Variants in TNRC18 observed in about 807,000 individuals in gnomAD.
TNRC18 encodes trinucleotide repeat containing 18.
Under a neutral mutation model 226.7 loss-of-function variants are expected in TNRC18, and 69 were observed. That is an observed-to-expected ratio of 0.30 (90% CI 0.25 to 0.37). The LOEUF (loss-of-function observed/expected upper bound fraction) is 0.37. TNRC18 is among the 10% of genes least tolerant of loss of function. The probability of loss-of-function intolerance (pLI) is 1.00; values close to 1 mark genes in which losing one functional copy is unlikely to be tolerated. For synonymous variants in TNRC18, 2,449 were observed against 1,927.6 expected (o/e 1.27, Z -7.09); for missense variants, 4,754 against 4,256.6 (o/e 1.12, Z -3.25).
At chr7:5,363,711 G>T (rs770042331) in intron 11 of TNRC18, among the ~76,000 whole-genome samples, 1 of 152,130 alleles carries the variant, frequency 6.6e-6, no homozygotes, top group Admixed American at 6.6e-5. Flanking sequence ...CCTCCAGAGG[G>T]AGGGCCTCCA....
chr7:5,327,386 T>C (rs868014011), intron 19 of TNRC18, among the ~76,000 whole-genome samples: 12 of 105,424 alleles, frequency 1.1e-4, no homozygotes, highest in East Asian at 3.6e-4. Context: ...TGTGTGTGTG[T>C]GTGTGTGTGT....
chr7:5,340,008 T>G (rs1034338233), intron 18 of TNRC18, among the ~76,000 whole-genome samples: 13 of 152,144 alleles, frequency 8.5e-5, no homozygotes, highest in Non-Finnish European at 1.3e-4. Context: ...TTAGGTCAAT[T>G]AATAATCCTA....
Position 5,388,270 on chromosome 7 carries a change from G to A in TNRC18, c.1554C>T (p.Phe518=), listed in dbSNP as rs767677807. ...HKWKPFELGN[F]AATQMAVLAA... is the part of the protein sequence containing the mutation. ...CCAGCACGGCCATCTGCGTGGCGGC[G>A]AAGTTGCCCAGCTCGAAGGGTTTCC... Residue 518 remains phenylalanine, a synonymous_variant, in exon 5 of 30, where the codon TTC becomes TTT. Transcript: ENST00000430969. 7.5e-6 allele frequency: 12 copies of A among 1,604,872 alleles called. No individual in the cohort carries two copies. Among genetic ancestry groups the A allele is most frequent in the East Asian group, 2.3e-5 (1 of 44,440 alleles).
At position 5,388,176 on chromosome 7, in the gene TNRC18, C is replaced by T. The variant is rs781421478; in HGVS notation, c.1648G>A (p.Ala550Thr). The T allele has an allele frequency of 1.3e-5, 20 of 1,582,050 alleles. No individual in the cohort carries two copies. The South Asian group carries it at 2.2e-4, about 17-fold the overall frequency. ...AVVAASSSKK[A>T]YLDPGAVLPR... Reference sequence around the variant, plus strand: ...AGCACAGCCCCAGGGTCCAGGTAGGCCTTCTTGGAGGAGGAGGCAGCGACC... The same window carrying T: ...AGCACAGCCCCAGGGTCCAGGTAGGTCTTCTTGGAGGAGGAGGCAGCGACC... The change falls in exon 5 of 30, where the codon GCC becomes ACC. Residue 550 changes from alanine (A) to threonine (T), a missense_variant. Coordinates refer to ENST00000430969, the MANE Select transcript of TNRC18 (RefSeq NM_001080495.3).
At chr7:5,357,932 T>A (rs1422392117) in intron 15 of TNRC18, among the ~76,000 whole-genome samples, 3 of 152,232 alleles carry the variant, frequency 2.0e-5, no homozygotes, top group Non-Finnish European at 4.4e-5. Flanking sequence ...GTGGTTACAC[T>A]GATCGCTGGC....
chr7:5,311,938 C>G (rs1562474277), intron 27 of TNRC18, among the ~76,000 whole-genome samples: 2 of 152,118 alleles, frequency 1.3e-5, no homozygotes, highest in Non-Finnish European at 2.9e-5. Flanking sequence ...AGTTTGAGAT[C>G]ATCCTGACCC....
rs1779119973 is a variant in TNRC18, at chr7:5,377,932, T to C, written c.2245A>G (p.Lys749Glu). The C allele has an allele frequency of 8.7e-6, 14 of 1,612,494 alleles. No individual in the cohort carries two copies. The highest frequency in any genetic ancestry group is 1.2e-5 in the Non-Finnish European group (14 of 1,179,426). Reference protein sequence around the residue: ...LGARLDRDQEKLLRESKELAD... With the variant: ...LGARLDRDQEELLRESKELAD... ...CCCCGACACCCTCACCTGAGCAGCT[T>C]CTCCTGATCCCGGTCCAGCCGTGCC... Residue 749 changes from lysine to glutamate, a missense_variant, in exon 6 of 30, where the codon AAG (lysine) becomes GAG (glutamate). Physicochemically the swap from Lys to Glu is moderately conservative, Grantham distance 56. Transcript: ENST00000430969. The surrounding 1 kb of genome is among the most constrained non-coding windows in gnomAD (Gnocchi z 5.8).
At chr7:5,347,495 C>CA (rs1175933758) in intron 17 of TNRC18, among the ~76,000 whole-genome samples, 4 of 151,688 alleles carry the variant, frequency 2.6e-5, no homozygotes, top group African/African-American at 9.7e-5. Context: ...CACACCCAGC[C>CA]CCCCCGCAAA....
At chr7:5,379,231 C>T (rs1779225607) in intron 5 of TNRC18, among the ~76,000 whole-genome samples, 2 of 151,118 alleles carry the variant, frequency 1.3e-5, no homozygotes, top group South Asian at 2.1e-4. Flanking sequence ...AAAACACACA[C>T]ACACAAAAAT....
intron 5 of TNRC18, among the ~76,000 whole-genome samples, chr7:5,383,982 T>TTTTTA (rs1779579690): frequency 6.8e-6 from 1 of 148,048 alleles, no homozygotes; most frequent in Non-Finnish European, 1.5e-5. Flanking sequence ...TTTTTTTTTT[T>TTTTTA]GAGATAGAGT....
At chr7:5,347,956 AAATAAT>A (rs997286605) in intron 17 of TNRC18, among the ~76,000 whole-genome samples, 1 of 152,154 alleles carries the variant, frequency 6.6e-6, no homozygotes, top group Non-Finnish European at 1.5e-5. Context: ...CCGTCTCAAA[AAATAAT>A]AATAAGTAAT....
At position 5,312,933 on chromosome 7, in the gene TNRC18, G is replaced by A. The variant is rs757833275; in HGVS notation, c.7958C>T (p.Ser2653Phe). 4.7e-4 allele frequency: 687 copies of A among 1,459,596 alleles called. No individual in the cohort carries two copies. The highest frequency in any genetic ancestry group is 5.8e-4 in the Non-Finnish European group (627 of 1,079,848). The allele number at this position is 1,459,596 out of a possible 1,614,324, so 90.4% of individuals were successfully genotyped here. A position where few individuals can be genotyped will look rare whatever the true frequency, so the allele number is the denominator to read the frequency against. Residue 2653 changes from serine to phenylalanine, a missense_variant, in exon 27 of 30, where the codon TCC (serine) becomes TTC (phenylalanine). Coordinates refer to ENST00000430969, the MANE Select transcript of TNRC18 (RefSeq NM_001080495.3). The surrounding 1 kb of genome is among the most constrained non-coding windows in gnomAD (Gnocchi z 6.3). ...GGAGGAGGATGAGGACGAGGAAGAG[G>A]AGGAGGAGGAAGAGGAGGAAGACGA... The part of the protein sequence containing the change: ...SSSSSSSSSS[S>F]SSSSSSSSSS...
At chr7:5,342,860 C>A (rs1790817604) in intron 18 of TNRC18, among the ~76,000 whole-genome samples, 3 of 152,136 alleles carry the variant, frequency 2.0e-5, no homozygotes, top group African/African-American at 7.2e-5. Context: ...ATGTGGCAAA[C>A]TTCACTGTTG....
In TNRC18 at chr7:5,357,297, A is replaced by G. The variant is rs769089655; in HGVS notation, c.4834-21T>C. ...TTTAGCTGGAGAGGGAAGGTGGGTCATGGGTTAAAAGATCTGACAAAACAG... is the reference window on the plus strand; with the variant it reads ...TTTAGCTGGAGAGGGAAGGTGGGTCGTGGGTTAAAAGATCTGACAAAACAG... On this transcript the variant is annotated intron_variant, in intron 15 of 29. Transcript: ENST00000430969. The G allele has an allele frequency of 3.9e-5, 62 of 1,596,170 alleles. No homozygotes were observed. In the South Asian group the frequency reaches 6.5e-4, roughly 17 times the overall value.
At position 5,387,867 on chromosome 7, in the gene TNRC18, G is replaced by A. The variant is rs575024819; in HGVS notation, c.1957C>T (p.Arg653Trp). Residue 653 changes from arginine to tryptophan, a missense_variant, in exon 5 of 30, where the codon CGG becomes TGG. Transcript: ENST00000430969. ...GCGCTCTCGGGCCTCTCGGGGTCCC[G>A]CTTCAGCTGCCGGCCGCCGCCCGCT... is the stretch of plus-strand genomic sequence containing the variant. ...PAAGGGRQLK[R>W]DPERPESAKA... The A allele has an allele frequency of 6.3e-6, 10 of 1,596,184 alleles. No individual in the cohort carries two copies. The South Asian group carries it at 6.7e-5, about 11-fold the overall frequency.
In TNRC18 at chr7:5,391,197, G is replaced by A. The variant is rs537312483; in HGVS notation, c.344-569C>T. Among the ~76,000 whole-genome samples, 43 of 152,022 alleles carry A rather than the reference G, an allele frequency of 2.8e-4. 1 individual carries two copies. Among genetic ancestry groups the A allele is most frequent in the Admixed American group, 9.2e-4 (14 of 15,256 alleles). On this transcript the variant is annotated intron_variant, in intron 3 of 29. Transcript: ENST00000430969. The stretch of plus-strand genomic sequence containing the variant: ...CATCTTCAGCTGCTGGGTCTCCCAG[G>A]CAGGAGCTGCCAGGAAGGAATTCCT...
chr7:5,370,988 C>G lies in TNRC18; in HGVS notation c.3606G>C (p.Glu1202Asp). ...PAGGCGGGLLEAQALSATGQS... is the reference protein window; with the variant it reads ...PAGGCGGGLLDAQALSATGQS... ...GCCCGGTGGCACTCAGCGCCTGGGC[C>G]TCCAACAGGCCACCTCCACAACCCC... The change falls in exon 11 of 30, where the codon GAG becomes GAC. Residue 1202 changes from glutamate (E) to aspartate (D), a missense_variant. Coordinates refer to ENST00000430969, the MANE Select transcript of TNRC18 (RefSeq NM_001080495.3). 6.2e-7 allele frequency: 1 copy of G among 1,606,600 alleles called. No individual in the cohort carries two copies. Among genetic ancestry groups the G allele is most frequent in the Non-Finnish European group, 8.5e-7 (1 of 1,179,728 alleles).
chr7:5,334,044 T>A (rs1789832154), intron 18 of TNRC18, among the ~76,000 whole-genome samples: 1 of 152,130 alleles, frequency 6.6e-6, no homozygotes, highest in Non-Finnish European at 1.5e-5. Flanking sequence ...CCAAGGTGCC[T>A]TCACTCAGGG....
chr7:5,393,635 A>G (rs1428117401), intron 3 of TNRC18, among the ~76,000 whole-genome samples: 1 of 152,150 alleles, frequency 6.6e-6, no homozygotes, highest in Non-Finnish European at 1.5e-5. Flanking sequence ...AGGAGGGAGG[A>G]GGGAGAAGGA....
Sources: allele counts gnomAD v4.1 joint callset (sites outside exome capture counted in the v4.1 genomes callset), GRCh38; gene constraint gnomAD v4.1.1; non-coding constraint Gnocchi (gnomAD v3.1); transcripts MANE v1.5; gene names NCBI Gene and HGNC (gene_info 2026-07-23, HGNC 2026-07-21).